The following TRPM3 variants were observed in gnomAD, a reference collection of about 807,000 sequenced individuals.
The protein encoded by TRPM3 is transient receptor potential cation channel subfamily M member 3.
A neutral mutation model predicts 181.2 loss-of-function variants in TRPM3; 77 were observed. The observed-to-expected ratio is 0.42, with a 90% CI of 0.35 to 0.51. The LOEUF (loss-of-function observed/expected upper bound fraction) is 0.51, where lower values mean the gene tolerates loss of function less well. Ranked by LOEUF, TRPM3 falls within the 20% of genes least tolerant of loss-of-function variation. TRPM3 has a pLI of 0.01. For missense variants in TRPM3, 1,759 were observed against 2,196.7 expected (o/e 0.80, Z 3.98); for synonymous variants, 745 against 796.4 (o/e 0.94, Z 1.09).
intron 22 of TRPM3, among the ~76,000 whole-genome samples, chr9:70,567,230 C>T (rs2132098408): frequency 6.6e-6 from 1 of 152,316 alleles, no homozygotes; most frequent in East Asian, 1.9e-4. Flanking sequence ...ATTTTCTAGA[C>T]AGTTTCACTC....
chr9:71,224,355 T>A (rs181386504), intron 1 of TRPM3, among the ~76,000 whole-genome samples: 4 of 152,238 alleles, frequency 2.6e-5, no homozygotes, highest in Non-Finnish European at 4.4e-5. Context: ...TGCCCCCTAA[T>A]GCAGATATAG....
chr9:70,846,564 G>A lies in TRPM3; in HGVS notation c.490C>T (p.Pro164Ser). The A allele has an allele frequency of 6.2e-7, 1 of 1,614,096 alleles. No homozygotes were observed. Among genetic ancestry groups the A allele is most frequent in the Non-Finnish European group, 8.5e-7 (1 of 1,180,004 alleles). ...GTCATCAGGTGTAAGAGGAGATCAG[G>A]TTTTGTATCAAAAGATACTCGCACA... is the stretch of plus-strand genomic sequence containing the variant. ...MYVRVSFDTKPDLLLHLMTKE... is the reference protein window; with the variant it reads ...MYVRVSFDTKSDLLLHLMTKE... The change falls in exon 4 of 26, where the codon CCT (proline) becomes TCT (serine). Residue 164 changes from proline to serine, a missense_variant. Coordinates refer to ENST00000677713, the MANE Select transcript of TRPM3 (RefSeq NM_001366145.2).
chr9:70,816,348 C>A (rs1307206291), intron 6 of TRPM3, among the ~76,000 whole-genome samples: 1 of 152,226 alleles, frequency 6.6e-6, no homozygotes. Context: ...ATAAGAATGT[C>A]AAGTTAGATA....
chr9:71,157,140 T>C (rs1001172057), intron 1 of TRPM3, among the ~76,000 whole-genome samples: 5 of 152,176 alleles, frequency 3.3e-5, no homozygotes, highest in African/African-American at 1.2e-4. Context: ...TAGGTTTATT[T>C]TCCAAACATT....
intron 1 of TRPM3, among the ~76,000 whole-genome samples, chr9:71,250,416 G>A (rs756824444): frequency 3.3e-5 from 5 of 151,800 alleles, no homozygotes; most frequent in Non-Finnish European, 7.4e-5. Flanking sequence ...GACCATCTTC[G>A]TTGGACTGGG....
chr9:71,299,150 G>C (rs151200752), intron 1 of TRPM3, among the ~76,000 whole-genome samples: 3 of 152,280 alleles, frequency 2.0e-5, no homozygotes, highest in Non-Finnish European at 4.4e-5. Context: ...TAGATGCCAA[G>C]AGGTCTGACT....
At chr9:70,558,510 A>G (rs1003661014) in intron 22 of TRPM3, among the ~76,000 whole-genome samples, 7 of 152,234 alleles carry the variant, frequency 4.6e-5, no homozygotes, top group Non-Finnish European at 1.0e-4. Context: ...AATTATTGCC[A>G]GGAGCCAGAG....
intron 1 of TRPM3, among the ~76,000 whole-genome samples, chr9:71,260,330 G>A (rs183478204): frequency 6.6e-6 from 1 of 152,198 alleles, no homozygotes; most frequent in Admixed American, 6.5e-5. Flanking sequence ...CTCCAGCTTT[G>A]TTCTTCTTGC....
At chr9:71,355,859 A>G (rs967671998) in intron 1 of TRPM3, among the ~76,000 whole-genome samples, 14 of 152,182 alleles carry the variant, frequency 9.2e-5, no homozygotes, top group Admixed American at 2.6e-4. Context: ...TCCAGGGATT[A>G]AATTATATCC....
intron 1 of TRPM3, among the ~76,000 whole-genome samples, chr9:71,353,500 G>A (rs1280740886): frequency 1.3e-5 from 2 of 152,122 alleles, no homozygotes; most frequent in South Asian, 2.1e-4. Context: ...CAGGGGTTAA[G>A]GGCAATCAAC....
intron 1 of TRPM3, among the ~76,000 whole-genome samples, chr9:71,015,048 A>T (rs566684668): frequency 1.5e-4 from 23 of 152,172 alleles, no homozygotes; most frequent in African/African-American, 5.3e-4. Flanking sequence ...CCAATTCTTT[A>T]AAAAAGTAAT....
intron 1 of TRPM3, among the ~76,000 whole-genome samples, chr9:71,174,331 C>G (rs369281537): frequency 6.6e-6 from 1 of 152,104 alleles, no homozygotes; most frequent in South Asian, 2.1e-4. Context: ...CACCTGAGAT[C>G]AGGAGTTCAA....
chr9:71,108,840 T>C (rs1166047698), intron 1 of TRPM3, among the ~76,000 whole-genome samples: 1 of 152,198 alleles, frequency 6.6e-6, no homozygotes, highest in African/African-American at 2.4e-5. Context: ...ATCTATGTGA[T>C]AGTTAATGTT....
intron 1 of TRPM3, among the ~76,000 whole-genome samples, chr9:71,300,852 T>C (rs2086704349): frequency 6.6e-6 from 1 of 152,084 alleles, no homozygotes; most frequent in African/African-American, 2.4e-5. Context: ...GATTTAGCAT[T>C]TGGAGGGATA....
intron 1 of TRPM3, among the ~76,000 whole-genome samples, chr9:71,247,353 C>CAAAAAA (rs34584730): frequency 2.3e-4 from 19 of 82,286 alleles, no homozygotes; most frequent in Non-Finnish European, 3.2e-4. Flanking sequence ...GACTCTGTCT[C>CAAAAAA]AAAAAAAAAA....
intron 6 of TRPM3, among the ~76,000 whole-genome samples, chr9:70,813,219 G>T (rs2092317059): frequency 6.6e-6 from 1 of 152,130 alleles, no homozygotes; most frequent in Non-Finnish European, 1.5e-5. Context: ...AACATCTACT[G>T]CTTTGTACTA....
At chr9:70,844,682 T>C (rs540435526) in intron 4 of TRPM3, among the ~76,000 whole-genome samples, 1 of 152,236 alleles carries the variant, frequency 6.6e-6, no homozygotes, top group Non-Finnish European at 1.5e-5. Flanking sequence ...GGTATTGGAT[T>C]GAACACTAAG....
At chr9:70,813,673 A>G (rs879555142) in intron 6 of TRPM3, among the ~76,000 whole-genome samples, 2 of 152,192 alleles carry the variant, frequency 1.3e-5, no homozygotes, top group African/African-American at 2.4e-5. Context: ...TAGAGAAAAA[A>G]AACACTTGCT....
intron 1 of TRPM3, among the ~76,000 whole-genome samples, chr9:71,335,984 C>T (rs1001835597): frequency 6.6e-6 from 1 of 152,026 alleles, no homozygotes; most frequent in Non-Finnish European, 1.5e-5. Context: ...AAAGGTGTTG[C>T]TCCTCCAGCC....
Sources: allele counts gnomAD v4.1 joint callset (sites outside exome capture counted in the v4.1 genomes callset), GRCh38; gene constraint gnomAD v4.1.1; transcripts MANE v1.5; gene names NCBI Gene and HGNC (gene_info 2026-07-23, HGNC 2026-07-21).